SAMMSON: variants seen among roughly 807,000 people sequenced by gnomAD.
SAMMSON encodes long intergenic non-protein coding RNA 1212.
chr3:70,148,459 G>A (rs1055699412), intron 4 of SAMMSON, among the ~76,000 whole-genome samples: 28 of 152,078 alleles, frequency 1.8e-4, no homozygotes, highest in African/African-American at 6.5e-4. Context: ...TAGTCTGTTT[G>A]TGTTGCTATA....
At chr3:70,053,410 T>C (rs1044196593) in intron 3 of SAMMSON, among the ~76,000 whole-genome samples, 5 of 152,088 alleles carry the variant, frequency 3.3e-5, no homozygotes, top group Admixed American at 6.6e-5. Context: ...AATGGGGCAA[T>C]TGAACTAACA....
chr3:70,302,715 G>A lies in SAMMSON; in HGVS notation n.739+11472G>A, dbSNP rs182035185. 8 of 152,304 alleles carry A rather than the reference G, an allele frequency of 5.3e-5. No homozygotes were observed. The East Asian group carries it at 1.5e-3, about 29-fold the overall frequency. 9.4% of individuals were successfully genotyped at this position (152,304 alleles called of 1,614,324 possible). A position where few individuals can be genotyped will look rare whatever the true frequency, so the allele number is the denominator to read the frequency against. On this transcript the variant is annotated intron_variant and non_coding_transcript_variant, in intron 7 of 9. Coordinates refer to ENST00000642114, the Ensembl canonical transcript of SAMMSON. ...GAGCTAAGATCATTCTGGATTTGATGTACTGCCTTATCATCATTGAACGAG... is the reference window on the plus strand; with the variant it reads ...GAGCTAAGATCATTCTGGATTTGATATACTGCCTTATCATCATTGAACGAG...
At chr3:70,154,571 C>G (rs1576137430) in intron 4 of SAMMSON, among the ~76,000 whole-genome samples, 2 of 152,044 alleles carry the variant, frequency 1.3e-5, no homozygotes, top group African/African-American at 4.8e-5. Context: ...TCCAGTTGTA[C>G]AGTCAAATTA....
intron 3 of SAMMSON, among the ~76,000 whole-genome samples, chr3:70,020,113 G>A (rs1241911461): frequency 2.6e-5 from 4 of 152,104 alleles, no homozygotes; most frequent in Non-Finnish European, 5.9e-5. Context: ...TGTTCCTGCA[G>A]CATATGAGGG....
At chr3:70,265,364 A>T (rs866270686) in intron 6 of SAMMSON, among the ~76,000 whole-genome samples, 15 of 152,346 alleles carry the variant, frequency 9.8e-5, no homozygotes, top group Admixed American at 7.2e-4. Context: ...AGAGCAGGAA[A>T]GGCATCAATT....
chr3:70,418,203 A>G (rs1172175309), intron 2 of SAMMSON, among the ~76,000 whole-genome samples: 1 of 152,194 alleles, frequency 6.6e-6, no homozygotes, highest in Admixed American at 6.5e-5. Context: ...AGCAGTGTAC[A>G]ATGAAGATAG....
chr3:70,399,867 C>CAA (rs60507636), intron 2 of SAMMSON, among the ~76,000 whole-genome samples: 8 of 134,994 alleles, frequency 5.9e-5, no homozygotes, highest in African/African-American at 2.3e-4. Flanking sequence ...AAAAAAAAAA[C>CAA]AAAAAAAAAA....
intron 3 of SAMMSON, chr3:70,070,073 G>A (rs944664083): frequency 1.3e-5 from 2 of 151,932 alleles, no homozygotes; most frequent in Non-Finnish European, 2.9e-5. Context: ...CTCGGAGTGC[G>A]AAAATCCAAC....
chr3:70,125,797 A>G (rs2067455682), intron 4 of SAMMSON: 1 of 658,310 alleles, frequency 1.5e-6, no homozygotes, highest in East Asian at 2.7e-5. Flanking sequence ...GCGCTGCCTT[A>G]TTGTTTTGGG....
intron 4 of SAMMSON, chr3:70,125,529 TTCCAAATCCTA>T (rs2067454374): frequency 1.4e-6 from 1 of 694,448 alleles, no homozygotes; most frequent in African/African-American, 1.8e-5. Context: ...GGAAAGATTT[TTCCAAATCCTA>T]TACTGGATGC....
intron 7 of SAMMSON, among the ~76,000 whole-genome samples, chr3:70,337,657 C>T (rs1339434411): frequency 6.6e-6 from 1 of 151,784 alleles, no homozygotes; most frequent in Non-Finnish European, 1.5e-5. Context: ...ATTCCTCCTC[C>T]TAGGGTATGG....
At chr3:70,204,011 G>A (rs942855909) in intron 4 of SAMMSON, among the ~76,000 whole-genome samples, 8 of 152,152 alleles carry the variant, frequency 5.3e-5, no homozygotes, top group East Asian at 1.9e-4. Context: ...GTGATGTGCA[G>A]TAAAGATCCT....
At chr3:70,173,799 A>G (rs1240316105) in intron 4 of SAMMSON, among the ~76,000 whole-genome samples, 1 of 151,932 alleles carries the variant, frequency 6.6e-6, no homozygotes, top group Non-Finnish European at 1.5e-5. Context: ...TACTAGCAGC[A>G]CTAATACTCA....
At chr3:70,129,991 C>A (rs906829956) in intron 4 of SAMMSON, among the ~76,000 whole-genome samples, 1 of 151,998 alleles carries the variant, frequency 6.6e-6, no homozygotes, top group African/African-American at 2.4e-5. Flanking sequence ...GGGAAGTAAC[C>A]CTTTGTGTGT....
intron 7 of SAMMSON, among the ~76,000 whole-genome samples, chr3:70,298,372 T>G (rs1368099451): frequency 7.2e-5 from 11 of 152,118 alleles, no homozygotes; most frequent in Admixed American, 7.2e-4. Flanking sequence ...CATGTTTTTG[T>G]TTAGTTAGCC....
intron 3 of SAMMSON, chr3:70,015,021 C>CT (rs1477541067): frequency 3.9e-5 from 6 of 152,218 alleles, no homozygotes; most frequent in Non-Finnish European, 7.3e-5. Flanking sequence ...TGGCTCACGC[C>CT]TGTAATCCCA....
intron 7 of SAMMSON, among the ~76,000 whole-genome samples, chr3:70,305,710 T>G (rs558480518): frequency 2.1e-4 from 32 of 152,286 alleles, no homozygotes; most frequent in African/African-American, 7.7e-4. Context: ...CCAAAATTAT[T>G]TTTTGAGGAA....
At chr3:70,231,485 G>A (rs190958268) in intron 4 of SAMMSON, among the ~76,000 whole-genome samples, 17 of 152,264 alleles carry the variant, frequency 1.1e-4, no homozygotes, top group Admixed American at 2.6e-4. Context: ...CACACGTGCC[G>A]CGTACTCTTC....
chr3:70,145,745 G>C (rs1320981685), intron 4 of SAMMSON, among the ~76,000 whole-genome samples: 1 of 151,632 alleles, frequency 6.6e-6, no homozygotes, highest in African/African-American at 2.4e-5. Context: ...TATTAGAAAA[G>C]AAGAAAGATC....
Sources: allele counts gnomAD v4.1 joint callset (sites outside exome capture counted in the v4.1 genomes callset), GRCh38; gene constraint gnomAD v4.1.1; transcripts MANE v1.5; gene names NCBI Gene and HGNC (gene_info 2026-07-23, HGNC 2026-07-21).